SLC28A3: variants seen among roughly 807,000 people sequenced by gnomAD.
SLC28A3 encodes concentrative Na(+)-nucleoside cotransporter 3.
In SLC28A3, 68 loss-of-function variants were observed where a neutral mutation model predicts 84.2. The observed-to-expected ratio is 0.81, with a 90% CI of 0.66 to 0.99. The LOEUF is 0.99. Among genes scored for constraint, SLC28A3 ranks in the 50% least tolerant of loss-of-function variants. The probability of loss-of-function intolerance (pLI) is 0.00; values close to 1 mark genes in which losing one functional copy is unlikely to be tolerated. For missense variants in SLC28A3, 712 were observed against 841.5 expected, an observed-to-expected ratio of 0.85 and a Z score of 1.90; for synonymous variants, 267 against 303.6, an observed-to-expected ratio of 0.88 and a Z score of 1.25.
At chr9:84,313,276 G>T in intron 2 of SLC28A3, 83 bp downstream of exon 2, 3 of 1,202,018 alleles carry the variant, frequency 2.5e-6, no homozygotes, top group Non-Finnish European at 3.6e-6. Flanking sequence ...GGGGCGCCAT[G>T]CTTTCTGTGC....
chr9:84,311,356 T>C (rs967316798), intron 2 of SLC28A3, among the ~76,000 whole-genome samples: 2 of 152,198 alleles, frequency 1.3e-5, no homozygotes, highest in Non-Finnish European at 2.9e-5. Context: ...ATGTATTGTC[T>C]ACCCACCCTC....
chr9:84,277,116 C>T lies in SLC28A3; in HGVS notation c.*1102G>A, dbSNP rs1409978895. 3 of 152,194 alleles carry T rather than the reference C, an allele frequency of 2.0e-5. No homozygotes were observed. Among genetic ancestry groups the T allele is most frequent in the Non-Finnish European group, 4.4e-5 (3 of 68,022 alleles). 9.4% of individuals were successfully genotyped at this position (152,194 alleles called of 1,614,324 possible). ...CTCAACCAGGACTTTTTTTCCTCAACTGCTTCTTACACGGCTTTTGATTGA... is the reference window on the plus strand; with the variant it reads ...CTCAACCAGGACTTTTTTTCCTCAATTGCTTCTTACACGGCTTTTGATTGA... On this transcript the variant is annotated 3_prime_UTR_variant, in exon 18 of 18. Transcript: ENST00000376238.
chr9:84,281,448 A>AGAT (rs1208639960), intron 14 of SLC28A3, among the ~76,000 whole-genome samples: 1 of 152,228 alleles, frequency 6.6e-6, no homozygotes, highest in African/African-American at 2.4e-5. Flanking sequence ...AGCCACAATG[A>AGAT]GATACTACTA....
At chr9:84,329,092 C>T (rs1826679972) in intron 1 of SLC28A3, among the ~76,000 whole-genome samples, 2 of 152,142 alleles carry the variant, frequency 1.3e-5, no homozygotes. Context: ...GCAATAATAT[C>T]AGATGAAATA....
intron 14 of SLC28A3, among the ~76,000 whole-genome samples, chr9:84,285,119 A>G (rs184325016): frequency 3.3e-5 from 5 of 152,278 alleles, no homozygotes; most frequent in East Asian, 3.9e-4. Context: ...TATAGTGGCA[A>G]TGATTAGCTG....
intron 12 of SLC28A3, among the ~76,000 whole-genome samples, 159 bp downstream of exon 12, chr9:84,287,889 A>G (rs1382663923): frequency 6.6e-6 from 1 of 152,166 alleles, no homozygotes; most frequent in African/African-American, 2.4e-5. Flanking sequence ...AGGAAATAAA[A>G]TAAGACTTTT....
chr9:84,277,456 C>A lies in SLC28A3; in HGVS notation c.*762G>T, dbSNP rs184124930. The A allele has an allele frequency of 1.8e-4, 28 of 152,332 alleles. No individual in the cohort carries two copies. Among genetic ancestry groups the A allele is most frequent in the African/African-American group, 6.5e-4 (27 of 41,562 alleles). The allele number at this position is 152,332 out of a possible 1,614,324, so 9.4% of individuals were successfully genotyped here. A position where few individuals can be genotyped will look rare whatever the true frequency, so the allele number is the denominator to read the frequency against. The stretch of plus-strand genomic sequence containing the variant: ...CCACCTTTCTTTTCCCTCTTAAGAC[C>A]AACATGCCCCCCTTAGAGGCTGCTC... On this transcript the variant is annotated 3_prime_UTR_variant, in exon 18 of 18. Transcript: ENST00000376238.
rs560072575 is a variant in SLC28A3, at chr9:84,298,720, A to AT, written c.670-702dup. ...TATCTGGAAAATGGAAAGGCAGAACATGATTTCTCTGTGCGTCCAAGGTTT... is the reference window on the plus strand; with the variant it reads ...TATCTGGAAAATGGAAAGGCAGAACATTGATTTCTCTGTGCGTCCAAGGTTT... On this transcript the variant is annotated intron_variant, in intron 6 of 17. Transcript: ENST00000376238. Among the ~76,000 whole-genome samples, 167 of 152,360 alleles carry AT rather than the reference A, an allele frequency of 1.1e-3. 1 individual carries two copies. The highest frequency in any genetic ancestry group is 3.6e-3 in the African/African-American group (148 of 41,586).
At chr9:84,299,338 T>C (rs1467923588) in intron 6 of SLC28A3, among the ~76,000 whole-genome samples, 1 of 152,070 alleles carries the variant, frequency 6.6e-6, no homozygotes, top group Non-Finnish European at 1.5e-5. Context: ...AAATTAGACT[T>C]GACAGGGAGA....
chr9:84,332,513 C>G (rs183418644), intron 1 of SLC28A3, among the ~76,000 whole-genome samples: 33 of 152,004 alleles, frequency 2.2e-4, no homozygotes, highest in African/African-American at 7.2e-4. Flanking sequence ...TATGCATTCA[C>G]TTGAAAAACT....
At chr9:84,334,733 C>T (rs546099686) in intron 1 of SLC28A3, among the ~76,000 whole-genome samples, 47 of 151,768 alleles carry the variant, frequency 3.1e-4, no homozygotes, top group East Asian at 1.4e-3. Context: ...ACCAGAAGAG[C>T]GTTCATTCTG....
intron 2 of SLC28A3, among the ~76,000 whole-genome samples, chr9:84,312,786 A>G (rs112553226): frequency 0.045 from 6,850 of 152,018 alleles, 517 homozygotes; most frequent in African/African-American, 0.16. Flanking sequence ...TGATCCGCCC[A>G]CCTCAGCCTC....
intron 17 of SLC28A3, among the ~76,000 whole-genome samples, chr9:84,278,913 C>T (rs1588552186): frequency 6.7e-6 from 1 of 149,224 alleles, no homozygotes; most frequent in Non-Finnish European, 1.5e-5. Context: ...CCAACTTATA[C>T]AGTAGTTGCA....
chr9:84,283,577 T>G (rs909088072), intron 14 of SLC28A3, among the ~76,000 whole-genome samples: 9 of 152,230 alleles, frequency 5.9e-5, no homozygotes, highest in African/African-American at 1.9e-4. Context: ...TCCTTTATCT[T>G]TTTTTGGACC....
chr9:84,309,543 AAAAAAG>A, intron 3 of SLC28A3, 80 bp downstream of exon 3: 24 of 841,476 alleles, frequency 2.9e-5, no homozygotes, highest in East Asian at 1.2e-4. Context: ...AAAAAAAAAA[AAAAAAG>A]AAATCAAATG....
At chr9:84,323,295 T>G (rs963576380) in intron 1 of SLC28A3, among the ~76,000 whole-genome samples, 2 of 152,222 alleles carry the variant, frequency 1.3e-5, no homozygotes, top group Non-Finnish European at 2.9e-5. Flanking sequence ...TATTTTTAGA[T>G]GAGCAAACAG....
In SLC28A3 at chr9:84,278,075, C is replaced by T; in HGVS notation, c.*143G>A. The T allele has an allele frequency of 8.9e-7, 1 of 1,128,944 alleles. No individual in the cohort carries two copies. The highest frequency in any genetic ancestry group is 2.5e-5 in the East Asian group (1 of 39,310). 69.9% of individuals were successfully genotyped at this position (1,128,944 alleles called of 1,614,324 possible). A position where few individuals can be genotyped will look rare whatever the true frequency, so the allele number is the denominator to read the frequency against. ...AATGTTGTAGCTTTGAAGGTCCACT[C>T]TTGTTTTTCTTCATTCCTTGCAATT... is the stretch of plus-strand genomic sequence containing the variant. On this transcript the variant is annotated 3_prime_UTR_variant, in exon 18 of 18. Coordinates refer to ENST00000376238, the MANE Select transcript of SLC28A3 (RefSeq NM_001199633.2).
chr9:84,300,170 G>C (rs1211336665), intron 5 of SLC28A3, among the ~76,000 whole-genome samples: 1 of 152,186 alleles, frequency 6.6e-6, no homozygotes, highest in Admixed American at 6.5e-5. Context: ...TTTAGAAACT[G>C]CAACAGATTT....
chr9:84,286,230 T>C (rs1824982679), intron 12 of SLC28A3, 119 bp from the exon 13 acceptor site: 2 of 880,714 alleles, frequency 2.3e-6, no homozygotes, highest in South Asian at 1.8e-5. Context: ...GCCCCTGCCT[T>C]GCTCAAAATA....
Sources: allele counts gnomAD v4.1 joint callset (sites outside exome capture counted in the v4.1 genomes callset), GRCh38; gene constraint gnomAD v4.1.1; transcripts MANE v1.5; gene names NCBI Gene and HGNC (gene_info 2026-07-23, HGNC 2026-07-21).